CAPZA2: variants seen among roughly 807,000 people sequenced by gnomAD.
The protein encoded by CAPZA2 is F-actin-capping protein subunit alpha-2.
CAPZA2 carries 13 observed loss-of-function variants against 44.0 expected under a neutral mutation model. That is an observed-to-expected ratio of 0.30 (90% CI 0.19 to 0.47). CAPZA2 has a LOEUF of 0.47. CAPZA2 is among the 20% of genes least tolerant of loss of function. The pLI is 1.00. For synonymous variants in CAPZA2, 94 were observed against 108.2 expected, an observed-to-expected ratio of 0.87 and a Z score of 0.81; for missense variants, 244 against 338.6, an observed-to-expected ratio of 0.72 and a Z score of 2.19.
At chr7:116,914,581 C>T (rs1163157295) in intron 8 of CAPZA2, among the ~76,000 whole-genome samples, 2 of 152,088 alleles carry the variant, frequency 1.3e-5, no homozygotes, top group Non-Finnish European at 2.9e-5. Context: ...CCTGCCTCAG[C>T]CTCTCTAGTA....
chr7:116,904,500 T>G, intron 5 of CAPZA2, 117 bp downstream of exon 5: 2 of 652,816 alleles, frequency 3.1e-6, no homozygotes, highest in Non-Finnish European at 5.3e-6. Context: ...ATTTTTTTCC[T>G]TAAATATTTC....
intron 3 of CAPZA2, among the ~76,000 whole-genome samples, chr7:116,897,077 T>A (rs1363334842): frequency 2.7e-4 from 41 of 152,152 alleles, no homozygotes. Flanking sequence ...TATTTTTCCT[T>A]TATCCCCTCC....
intron 1 of CAPZA2, among the ~76,000 whole-genome samples, chr7:116,863,974 C>T (rs552897937): frequency 5.4e-4 from 82 of 152,140 alleles, no homozygotes; most frequent in African/African-American, 1.9e-3. Flanking sequence ...TTGTGTTCTT[C>T]GGTGAAAGTG....
intron 2 of CAPZA2, among the ~76,000 whole-genome samples, chr7:116,891,678 G>T (rs1046802831): frequency 6.6e-6 from 1 of 151,918 alleles, no homozygotes; most frequent in Non-Finnish European, 1.5e-5. Flanking sequence ...CGCCCGGCTA[G>T]TTTTTTGTAT....
chr7:116,876,882 C>T (rs932281484), intron 1 of CAPZA2, among the ~76,000 whole-genome samples: 2 of 152,208 alleles, frequency 1.3e-5, no homozygotes, highest in Admixed American at 1.3e-4. Context: ...ACGGAGTGAA[C>T]AGTCAGGGGC....
chr7:116,862,796 C>A, intron 1 of CAPZA2, 146 bp downstream of exon 1: 1 of 863,462 alleles, frequency 1.2e-6, no homozygotes, highest in Non-Finnish European at 1.7e-6. Flanking sequence ...CTTACTGCGC[C>A]CAGTGCCTGC....
At chr7:116,882,632 C>T (rs1796716119) in intron 1 of CAPZA2, among the ~76,000 whole-genome samples, 1 of 151,930 alleles carries the variant, frequency 6.6e-6, no homozygotes, top group East Asian at 1.9e-4. Context: ...TTTGAACACC[C>T]CAATTTTATC....
intron 1 of CAPZA2, among the ~76,000 whole-genome samples, chr7:116,868,608 C>T (rs993914210): frequency 2.0e-5 from 3 of 152,134 alleles, no homozygotes; most frequent in Admixed American, 2.0e-4. Flanking sequence ...GTGTCGTGCA[C>T]CTGTAGTCCC....
chr7:116,869,642 T>C (rs1796525232), intron 1 of CAPZA2, among the ~76,000 whole-genome samples: 1 of 152,226 alleles, frequency 6.6e-6, no homozygotes, highest in Non-Finnish European at 1.5e-5. Flanking sequence ...TAGGCAAGGA[T>C]ATAGTTCAGT....
At chr7:116,863,212 T>G (rs1796440842) in intron 1 of CAPZA2, among the ~76,000 whole-genome samples, 1 of 152,208 alleles carries the variant, frequency 6.6e-6, no homozygotes, top group African/African-American at 2.4e-5. Context: ...GGTTTATCCT[T>G]TTTTTTCCCT....
At chr7:116,884,498 A>G (rs1796736678) in intron 1 of CAPZA2, among the ~76,000 whole-genome samples, 1 of 152,104 alleles carries the variant, frequency 6.6e-6, no homozygotes, top group African/African-American at 2.4e-5. Context: ...TGTCATATAT[A>G]GGGAATACTG....
At chr7:116,869,969 A>T (rs1225371077) in intron 1 of CAPZA2, among the ~76,000 whole-genome samples, 1 of 152,180 alleles carries the variant, frequency 6.6e-6, no homozygotes, top group Non-Finnish European at 1.5e-5. Flanking sequence ...TCCCGGGTTC[A>T]GGCAATTCTC....
chr7:116,890,276 A>G (rs116818296), intron 2 of CAPZA2, among the ~76,000 whole-genome samples: 8,347 of 151,942 alleles, frequency 0.055, 790 homozygotes, highest in African/African-American at 0.19. Flanking sequence ...TTGGGCATTT[A>G]GGATGAGCCT....
chr7:116,878,079 C>T (rs2115891149), intron 1 of CAPZA2, among the ~76,000 whole-genome samples: 1 of 152,216 alleles, frequency 6.6e-6, no homozygotes, highest in Middle Eastern at 3.4e-3. Flanking sequence ...GAACAGAAGG[C>T]AATACATTTG....
intron 1 of CAPZA2, among the ~76,000 whole-genome samples, chr7:116,869,177 T>C (rs1796518675): frequency 6.6e-6 from 1 of 152,212 alleles, no homozygotes; most frequent in Non-Finnish European, 1.5e-5. Flanking sequence ...ATAGCAATAA[T>C]TTGTTAAATA....
intron 6 of CAPZA2, 49 bp downstream of exon 6, chr7:116,906,391 T>C: frequency 3.8e-6 from 6 of 1,589,554 alleles, no homozygotes; most frequent in Non-Finnish European, 5.1e-6. Context: ...GTTTTAAGTC[T>C]TTGTAGTTCT....
chr7:116,921,437 C>T lies in CAPZA2; in HGVS notation c.*3570C>T, dbSNP rs1791769478. 1 of 151,336 alleles carries T rather than the reference C, an allele frequency of 6.6e-6. No individual in the cohort carries two copies. Among genetic ancestry groups the T allele is most frequent in the South Asian group, 2.1e-4 (1 of 4,796 alleles). The allele number at this position is 151,336 out of a possible 1,614,324, so 9.4% of individuals were successfully genotyped here. Reference sequence around the variant, plus strand: ...ATGGCTCACGCCTATAATCCCAGCACTTTGGGAGGCCACGGCAAGTGGATC... The same window carrying T: ...ATGGCTCACGCCTATAATCCCAGCATTTTGGGAGGCCACGGCAAGTGGATC... On this transcript the variant is annotated 3_prime_UTR_variant, in exon 10 of 10. Transcript: ENST00000361183.
chr7:116,912,504 C>T (rs924148979), intron 8 of CAPZA2, among the ~76,000 whole-genome samples: 10 of 152,156 alleles, frequency 6.6e-5, no homozygotes, highest in African/African-American at 1.2e-4. Context: ...CCAGAACCCT[C>T]CCAGCCCTAG....
chr7:116,879,124 CAAAAAAAAAAAA>C (rs71148337), intron 1 of CAPZA2, among the ~76,000 whole-genome samples: 1 of 45,302 alleles, frequency 2.2e-5, no homozygotes, highest in Non-Finnish European at 4.4e-5. Flanking sequence ...AACTCTGTCT[CAAAAAAAAAAAA>C]AAAAAAAAAA....
Sources: gnomAD v4.1 joint callset for allele counts (sites outside exome capture counted in the v4.1 genomes callset) on GRCh38, gnomAD v4.1.1 for gene constraint, MANE v1.5 for transcripts, NCBI Gene and HGNC (gene_info 2026-07-23, HGNC 2026-07-21) for gene names.